The following ANKS1B variants were observed in gnomAD, a reference collection of about 807,000 sequenced individuals.
ANKS1B encodes the protein ankyrin repeat and sterile alpha motif domain containing 1B, also known as ankyrin repeat and sterile alpha motif domain-containing protein 1B.
In ANKS1B, 36 loss-of-function variants were observed where a neutral mutation model predicts 148.3. That is an observed-to-expected ratio of 0.24 (90% CI 0.19 to 0.32). The LOEUF is 0.32. Ranked by LOEUF, ANKS1B falls within the 10% of genes least tolerant of loss-of-function variation. The pLI, the probability that ANKS1B is intolerant of heterozygous loss-of-function variation, is 1.00. For missense variants in ANKS1B, 1,157 were observed against 1,542.6 expected (o/e 0.75, Z 4.19); for synonymous variants, 542 against 560.8 (o/e 0.97, Z 0.47).
chr12:99,671,441 C>T (rs2098537734), intron 8 of ANKS1B, among the ~76,000 whole-genome samples: 1 of 152,032 alleles, frequency 6.6e-6, no homozygotes, highest in African/African-American at 2.4e-5. Context: ...AAAAGATAAA[C>T]ACCCCCATTA....
chr12:99,062,094 G>A (rs2042637544), intron 16 of ANKS1B, among the ~76,000 whole-genome samples: 1 of 152,214 alleles, frequency 6.6e-6, no homozygotes, highest in African/African-American at 2.4e-5. Context: ...ATTTGGAGAA[G>A]TCTGGGGAGA....
chr12:98,853,543 T>C (rs1044010775), intron 17 of ANKS1B, among the ~76,000 whole-genome samples: 2 of 152,192 alleles, frequency 1.3e-5, no homozygotes, highest in Non-Finnish European at 2.9e-5. Flanking sequence ...CTTTCGGTGT[T>C]TGCATTCTTC....
At position 99,111,243 on chromosome 12, in the gene ANKS1B, C is replaced by T. The variant is rs562905399; in HGVS notation, c.2527-26220G>A. 1.5e-3 allele frequency among the ~76,000 whole-genome samples: 227 copies of T among 152,296 alleles called. 1 individual carries two copies. The highest frequency in any genetic ancestry group is 5.3e-3 in the African/African-American group (221 of 41,566). On this transcript the variant is annotated intron_variant, in intron 15 of 26. Transcript: ENST00000683438. The stretch of plus-strand genomic sequence containing the variant: ...AGTTGAACAATTTTATTAAAAATTC[C>T]ATTTTCTAATGGTATCAGAGACCTG...
rs76305400 is a variant in ANKS1B at position 99,250,027 on chromosome 12, C to T, written c.1757-3163G>A. Among the ~76,000 whole-genome samples the T allele has an allele frequency of 5.4e-3, 820 of 152,294 alleles. 6 individuals are homozygous for T. The highest frequency in any genetic ancestry group is 0.012 in the Admixed American group (176 of 15,296). The stretch of plus-strand genomic sequence containing the variant: ...TCTACTCATTGATCCGAGAGGCATG[C>T]CACATTATAGGGGCCACACAGGGAA... On this transcript the variant is annotated intron_variant, in intron 12 of 26. Transcript: ENST00000683438.
At chr12:99,438,021 A>G (rs1055296410) in intron 11 of ANKS1B, among the ~76,000 whole-genome samples, 2 of 151,812 alleles carry the variant, frequency 1.3e-5, no homozygotes, top group Non-Finnish European at 2.9e-5. Flanking sequence ...CTTCTCCTCT[A>G]TCTTCCTGGA....
intron 1 of ANKS1B, among the ~76,000 whole-genome samples, chr12:99,968,736 G>A (rs2153836338): frequency 6.6e-6 from 1 of 152,304 alleles, no homozygotes; most frequent in South Asian, 2.1e-4. Flanking sequence ...CTGGTGGGAG[G>A]TGCTTGGATC....
At chr12:99,656,600 G>C (rs1051239225) in intron 8 of ANKS1B, among the ~76,000 whole-genome samples, 1 of 152,028 alleles carries the variant, frequency 6.6e-6, no homozygotes, top group African/African-American at 2.4e-5. Context: ...GAGAAAACTA[G>C]GGGTCAAACC....
intron 24 of ANKS1B, among the ~76,000 whole-genome samples, chr12:98,774,790 G>T (rs1465457150): frequency 6.6e-6 from 1 of 152,156 alleles, no homozygotes; most frequent in African/African-American, 2.4e-5. Context: ...GGCAATTACA[G>T]AATTAACTCA....
intron 14 of ANKS1B, among the ~76,000 whole-genome samples, chr12:99,222,253 A>G (rs541359086): frequency 2.0e-5 from 3 of 152,290 alleles, no homozygotes; most frequent in Middle Eastern, 6.8e-3. Context: ...TGGGTATCTG[A>G]GGTAATAGGT....
chr12:98,752,215 C>T (rs1312779067), intron 25 of ANKS1B, among the ~76,000 whole-genome samples: 2 of 152,136 alleles, frequency 1.3e-5, no homozygotes, highest in Admixed American at 6.5e-5. Flanking sequence ...CCACCTTGGG[C>T]ACATGGTCTC....
At chr12:98,758,876 G>A (rs2098331153) in intron 25 of ANKS1B, among the ~76,000 whole-genome samples, 1 of 149,314 alleles carries the variant, frequency 6.7e-6, no homozygotes, top group Non-Finnish European at 1.5e-5. Context: ...CACCTCCCGG[G>A]TTCAAGTGAT....
chr12:99,777,466 G>A (rs1670234534), intron 6 of ANKS1B, among the ~76,000 whole-genome samples: 1 of 152,176 alleles, frequency 6.6e-6, no homozygotes, highest in African/African-American at 2.4e-5. Flanking sequence ...AATGCAGTAT[G>A]TTTTTAAAAA....
intron 17 of ANKS1B, among the ~76,000 whole-genome samples, chr12:98,923,727 A>C (rs1412778397): frequency 6.6e-6 from 1 of 152,152 alleles, no homozygotes; most frequent in Non-Finnish European, 1.5e-5. Context: ...TCTCCACCTA[A>C]CTTTGACAAC....
intron 12 of ANKS1B, among the ~76,000 whole-genome samples, chr12:99,272,922 G>A (rs1295927051): frequency 6.6e-6 from 1 of 152,052 alleles, no homozygotes; most frequent in Non-Finnish European, 1.5e-5. Flanking sequence ...TGCTATTACT[G>A]ACCCTACCAA....
intron 1 of ANKS1B, among the ~76,000 whole-genome samples, chr12:99,860,377 T>A (rs1327362747): frequency 1.3e-5 from 2 of 152,182 alleles, no homozygotes; most frequent in African/African-American, 4.8e-5. Flanking sequence ...TCATGAAACA[T>A]CATGGGTTGT....
At chr12:98,900,174 C>T (rs1009459462) in intron 17 of ANKS1B, among the ~76,000 whole-genome samples, 8 of 152,090 alleles carry the variant, frequency 5.3e-5, no homozygotes, top group Admixed American at 1.3e-4. Flanking sequence ...CATGGATCAA[C>T]CATGGAATTC....
intron 12 of ANKS1B, among the ~76,000 whole-genome samples, chr12:99,383,320 T>G (rs1456735488): frequency 1.3e-5 from 2 of 152,178 alleles, no homozygotes; most frequent in Non-Finnish European, 2.9e-5. Flanking sequence ...ATTTACCCTG[T>G]GGTTAGGCTT....
intron 9 of ANKS1B, among the ~76,000 whole-genome samples, chr12:99,505,100 C>A (rs984130911): frequency 6.6e-6 from 1 of 152,072 alleles, no homozygotes; most frequent in Admixed American, 6.6e-5. Context: ...TAAGGAGGCT[C>A]TTTCAGAGCC....
intron 1 of ANKS1B, among the ~76,000 whole-genome samples, chr12:99,881,145 A>C (rs1266520715): frequency 6.6e-6 from 1 of 152,212 alleles, no homozygotes; most frequent in Non-Finnish European, 1.5e-5. Flanking sequence ...AGGAGTAGAC[A>C]CCAGCATACA....
Sources: gnomAD v4.1 joint callset for allele counts (sites outside exome capture counted in the v4.1 genomes callset) on GRCh38, gnomAD v4.1.1 for gene constraint, MANE v1.5 for transcripts, NCBI Gene and HGNC (gene_info 2026-07-23, HGNC 2026-07-21) for gene names.